The following ATG10 variants were observed in gnomAD, a reference collection of about 807,000 sequenced individuals.
ATG10 encodes the protein autophagy related 10.
Under a neutral mutation model 32.1 loss-of-function variants are expected in ATG10, and 30 were observed. That is an observed-to-expected ratio of 0.94 (90% CI 0.70 to 1.27). ATG10 has a LOEUF of 1.27. Among genes scored for constraint, ATG10 ranks in the 50% most tolerant of loss-of-function variants. The probability of loss-of-function intolerance (pLI) is 0.00; values close to 1 mark genes in which losing one functional copy is unlikely to be tolerated. For missense variants in ATG10, 233 were observed against 262.3 expected, an observed-to-expected ratio of 0.89 and a Z score of 0.77; for synonymous variants, 87 against 91.5, an observed-to-expected ratio of 0.95 and a Z score of 0.28.
At position 82,100,012 on chromosome 5, in the gene ATG10, T is replaced by G. The variant is rs1765210485; in HGVS notation, c.216+41410T>G. Among the ~76,000 whole-genome samples the G allele has an allele frequency of 5.3e-5, 7 of 131,290 alleles. 1 individual carries two copies. In the South Asian group the frequency reaches 1.7e-3, roughly 31 times the overall value. 86.1% of individuals were successfully genotyped at this position (131,290 alleles called of 152,430 possible). On this transcript the variant is annotated intron_variant, in intron 3 of 7. Transcript: ENST00000282185. ...TTTCTTTTTCTGTGTTTTTTTTTTTTTTTTTTTTTTTTTTGAGCTGGAGTC... is the reference window on the plus strand; with the variant it reads ...TTTCTTTTTCTGTGTTTTTTTTTTTGTTTTTTTTTTTTTTGAGCTGGAGTC...
chr5:82,025,402 G>A (rs1762564977), intron 2 of ATG10, among the ~76,000 whole-genome samples: 1 of 152,170 alleles, frequency 6.6e-6, no homozygotes, highest in African/African-American at 2.4e-5. Context: ...TGAGGGTGGG[G>A]TGTGCTAGAA....
At chr5:82,164,339 C>G (rs1161672805) in intron 3 of ATG10, 60 bp from the exon 4 acceptor site, 1 of 1,505,432 alleles carries the variant, frequency 6.6e-7, no homozygotes, top group East Asian at 2.3e-5. Flanking sequence ...CTTTTCCTCT[C>G]CATGTTAGTA....
intron 2 of ATG10, among the ~76,000 whole-genome samples, chr5:81,990,556 A>G (rs1344156503): frequency 3.9e-4 from 60 of 152,316 alleles, no homozygotes; most frequent in Non-Finnish European, 2.5e-4. Flanking sequence ...AATGCCCCAG[A>G]ACCAGTTTTC....
intron 3 of ATG10, among the ~76,000 whole-genome samples, chr5:82,087,358 G>A (rs898701078): frequency 6.6e-6 from 1 of 151,956 alleles, no homozygotes; most frequent in Non-Finnish European, 1.5e-5. Flanking sequence ...ATGTAATAAT[G>A]GAAATTATTA....
intron 2 of ATG10, among the ~76,000 whole-genome samples, chr5:82,031,081 T>C (rs551068165): frequency 6.6e-6 from 1 of 152,274 alleles, no homozygotes; most frequent in African/African-American, 2.4e-5. Flanking sequence ...TTATTTTTAT[T>C]TTTTGAGAGA....
intron 5 of ATG10, among the ~76,000 whole-genome samples, chr5:82,183,054 A>G (rs1744296341): frequency 6.6e-6 from 1 of 152,060 alleles, no homozygotes. Context: ...CTCTTTGTAT[A>G]ATTTCTTACA....
At chr5:81,972,468 T>A (rs1388420678) in intron 1 of ATG10, 162 bp downstream of exon 1, 4 of 152,262 alleles carry the variant, frequency 2.6e-5, no homozygotes, top group African/African-American at 4.8e-5. Context: ...CGCCGGTAAC[T>A]GCAGGCCTGT....
intron 3 of ATG10, among the ~76,000 whole-genome samples, chr5:82,071,138 A>T (rs1332363709): frequency 6.6e-6 from 1 of 152,112 alleles, no homozygotes; most frequent in Non-Finnish European, 1.5e-5. Flanking sequence ...GGAGGGTTGG[A>T]GGTCAACCTA....
At chr5:82,018,208 A>G (rs1344954672) in intron 2 of ATG10, among the ~76,000 whole-genome samples, 1 of 152,206 alleles carries the variant, frequency 6.6e-6, no homozygotes, top group Non-Finnish European at 1.5e-5. Flanking sequence ...TGAATTGATG[A>G]CAACTCCATC....
chr5:81,982,539 T>A (rs1326970958), intron 1 of ATG10, among the ~76,000 whole-genome samples: 1 of 151,652 alleles, frequency 6.6e-6, no homozygotes, highest in Non-Finnish European at 1.5e-5. Flanking sequence ...AATGAGAGAT[T>A]CATTGTTTTT....
intron 2 of ATG10, among the ~76,000 whole-genome samples, chr5:82,052,723 A>G (rs1048753346): frequency 5.3e-5 from 8 of 152,174 alleles, no homozygotes; most frequent in African/African-American, 1.4e-4. Context: ...ACATTTAAAC[A>G]TATGGTAGCA....
At chr5:82,191,281 G>A (rs1489077150) in intron 5 of ATG10, among the ~76,000 whole-genome samples, 1 of 152,214 alleles carries the variant, frequency 6.6e-6, no homozygotes, top group Non-Finnish European at 1.5e-5. Flanking sequence ...TGGACCTACT[G>A]TCAGAATTAA....
chr5:82,023,728 G>C (rs1394745799), intron 2 of ATG10, among the ~76,000 whole-genome samples: 2 of 152,140 alleles, frequency 1.3e-5, no homozygotes, highest in Non-Finnish European at 2.9e-5. Context: ...CCTGATTCTT[G>C]AAAGAAACAA....
intron 2 of ATG10, among the ~76,000 whole-genome samples, chr5:82,041,296 G>A (rs896555856): frequency 6.6e-6 from 1 of 151,994 alleles, no homozygotes; most frequent in African/African-American, 2.4e-5. Context: ...ATCTTGCCAG[G>A]GCAGAGATTT....
chr5:82,222,710 A>C (rs2149994975), intron 5 of ATG10, among the ~76,000 whole-genome samples: 1 of 152,276 alleles, frequency 6.6e-6, no homozygotes, highest in Non-Finnish European at 1.5e-5. Context: ...TGCTGAGGTA[A>C]ATAGCTACCA....
intron 5 of ATG10, among the ~76,000 whole-genome samples, chr5:82,226,589 A>T (rs1006957445): frequency 2.6e-5 from 4 of 152,336 alleles, no homozygotes; most frequent in Admixed American, 2.6e-4. Flanking sequence ...TATTACAATG[A>T]TATATAACTT....
chr5:81,993,360 C>CTTTTCTTTTCTT lies in ATG10; in HGVS notation c.108+5684_108+5685insTTCTTTTCTTTT. Among the ~76,000 whole-genome samples, 13 of 46,796 alleles carry CTTTTCTTTTCTT rather than the reference C, an allele frequency of 2.8e-4. No homozygotes were observed. The East Asian group carries it at 3.2e-3, about 11-fold the overall frequency. The allele number at this position is 46,796 out of a possible 152,430, so 30.7% of individuals were successfully genotyped here. ...CCTTCTTTCTTTCTTTCTTTCTTTC[C>CTTTTCTTTTCTT]TTCTTTTCTTTTCTTTTCTTTTCTT... On this transcript the variant is annotated intron_variant, in intron 2 of 7. Coordinates refer to ENST00000282185, the MANE Select transcript of ATG10 (RefSeq NM_031482.5).
At chr5:82,118,030 G>T (rs1322246748) in intron 3 of ATG10, among the ~76,000 whole-genome samples, 1 of 151,892 alleles carries the variant, frequency 6.6e-6, no homozygotes, top group East Asian at 1.9e-4. Flanking sequence ...GCCTTGTATT[G>T]AGCAAGACAA....
At chr5:82,001,314 T>C (rs1761842501) in intron 2 of ATG10, among the ~76,000 whole-genome samples, 1 of 152,142 alleles carries the variant, frequency 6.6e-6, no homozygotes, top group African/African-American at 2.4e-5. Flanking sequence ...AAAATTCATA[T>C]GGAACCAAAA....
Sources: allele counts gnomAD v4.1 joint callset (sites outside exome capture counted in the v4.1 genomes callset), GRCh38; gene constraint gnomAD v4.1.1; transcripts MANE v1.5; gene names NCBI Gene and HGNC (gene_info 2026-07-23, HGNC 2026-07-21).